Variants in SYCP2L observed in about 807,000 individuals in gnomAD.
The protein encoded by SYCP2L is synaptonemal complex protein 2-like.
SYCP2L carries 98 observed loss-of-function variants against 125.8 expected under a neutral mutation model. That is an observed-to-expected ratio of 0.78 (90% CI 0.66 to 0.92). The LOEUF is 0.92. Ranked by LOEUF, SYCP2L falls within the 40% of genes least tolerant of loss-of-function variation. SYCP2L has a pLI of 0.00. For missense variants in SYCP2L, 842 were observed against 936.4 expected (o/e 0.90, Z 1.32); for synonymous variants, 317 against 325.4 (o/e 0.97, Z 0.28).
chr6:10,944,747 C>G (rs1222658980), intron 23 of SYCP2L, among the ~76,000 whole-genome samples: 1 of 152,076 alleles, frequency 6.6e-6, no homozygotes, highest in Non-Finnish European at 1.5e-5. Context: ...CAGAGTCTCA[C>G]TCTGTCACCC....
intron 1 of SYCP2L, among the ~76,000 whole-genome samples, chr6:10,889,567 C>T (rs78143379): frequency 6.6e-6 from 1 of 150,982 alleles, no homozygotes; most frequent in Non-Finnish European, 1.5e-5. Context: ...GCCTATCTCA[C>T]TTCCTCTTTT....
intron 21 of SYCP2L, among the ~76,000 whole-genome samples, chr6:10,936,131 C>G (rs954309741): frequency 6.6e-6 from 1 of 151,902 alleles, no homozygotes; most frequent in Non-Finnish European, 1.5e-5. Flanking sequence ...CAATAACAAT[C>G]TGTTAGTGTA....
intron 2 of SYCP2L, 119 bp downstream of exon 2, chr6:10,891,700 G>A (rs143561148): frequency 3.1e-6 from 2 of 646,422 alleles, no homozygotes; most frequent in South Asian, 4.4e-5. Flanking sequence ...TTCTAGTTCT[G>A]TGTTCCCTGG....
intron 23 of SYCP2L, among the ~76,000 whole-genome samples, chr6:10,952,806 T>C (rs1484695513): frequency 6.6e-6 from 1 of 152,122 alleles, no homozygotes; most frequent in African/African-American, 2.4e-5. Flanking sequence ...TTTTTTTATT[T>C]TTAAAAATCT....
At chr6:10,947,999 A>G (rs1225740) in intron 23 of SYCP2L, among the ~76,000 whole-genome samples, 111,494 of 152,000 alleles carry the variant, frequency 0.73, 41,180 homozygotes, top group Non-Finnish European at 0.78. Flanking sequence ...CATCAACTAA[A>G]ATAATCAAAT....
chr6:10,939,477 A>G (rs1048745622), intron 21 of SYCP2L, among the ~76,000 whole-genome samples: 5 of 152,252 alleles, frequency 3.3e-5, no homozygotes, highest in Admixed American at 3.3e-4. Context: ...TTCAAAGTGT[A>G]TTCAAAAACT....
At chr6:10,907,774 A>T (rs1256050334) in intron 10 of SYCP2L, 90 bp downstream of exon 10, 15 of 1,388,640 alleles carry the variant, frequency 1.1e-5, no homozygotes, top group Non-Finnish European at 1.5e-5. Flanking sequence ...TTACGGGAGG[A>T]TTTTTTTGCT....
chr6:10,952,384 T>C (rs1202911925), intron 23 of SYCP2L, among the ~76,000 whole-genome samples: 1 of 152,142 alleles, frequency 6.6e-6, no homozygotes, highest in Non-Finnish European at 1.5e-5. Flanking sequence ...GATGATCCCT[T>C]GTTAGTAGGT....
At chr6:10,903,182 C>T (rs1006636823) in intron 8 of SYCP2L, among the ~76,000 whole-genome samples, 1 of 152,210 alleles carries the variant, frequency 6.6e-6, no homozygotes, top group Admixed American at 6.5e-5. Flanking sequence ...CGCCTGTAAT[C>T]CCAGCACTTT....
chr6:10,892,166 C>T (rs906883469), intron 2 of SYCP2L, among the ~76,000 whole-genome samples: 12 of 152,090 alleles, frequency 7.9e-5, no homozygotes, highest in African/African-American at 2.7e-4. Flanking sequence ...TCAAAGGCCC[C>T]GAGGCAAGGA....
intron 2 of SYCP2L, among the ~76,000 whole-genome samples, chr6:10,892,642 G>C (rs1182134348): frequency 6.6e-6 from 1 of 152,160 alleles, no homozygotes; most frequent in Non-Finnish European, 1.5e-5. Context: ...TTTCAGCTGA[G>C]CAATCTCACA....
intron 21 of SYCP2L, among the ~76,000 whole-genome samples, chr6:10,938,660 G>A (rs1487395798): frequency 6.6e-6 from 1 of 152,104 alleles, no homozygotes; most frequent in African/African-American, 2.4e-5. Context: ...AACTGTAAAG[G>A]CTTCACCAAA....
At chr6:10,972,445 A>G (rs1781790126) in intron 29 of SYCP2L, among the ~76,000 whole-genome samples, 1 of 152,206 alleles carries the variant, frequency 6.6e-6, no homozygotes, top group South Asian at 2.1e-4. Flanking sequence ...TAGGGCTTTT[A>G]CTTTTTTCCC....
Position 10,924,592 on chromosome 6 carries a change from A to G in SYCP2L, c.1169A>G (p.Gln390Arg), listed in dbSNP as rs1780865960. Residue 390 changes from glutamine to arginine, a missense_variant, in exon 15 of 30, where the codon CAG becomes CGG. By Grantham distance (43) the Gln-to-Arg change is conservative. Transcript: ENST00000283141. ...VMKIEIHFDL[Q>R]FNISQVSIQA... ...AAAATAGAAATCCATTTTGATTTGC[A>G]GTTCAACATATCACAAGTTTCCATT... is the stretch of plus-strand genomic sequence containing the variant. 4 of 1,604,792 alleles carry G rather than the reference A, an allele frequency of 2.5e-6. No homozygotes were observed. The highest frequency in any genetic ancestry group is 1.3e-5 in the African/African-American group (1 of 74,476).
In SYCP2L at chr6:10,894,109, T is replaced by G. The variant is rs1450279994; in HGVS notation, c.241T>G (p.Ser81Ala). Residue 81 changes from serine (S) to alanine (A), a missense_variant, in exon 4 of 30, where the codon TCT becomes GCT. By Grantham distance (99) the Ser-to-Ala change is moderately conservative. Coordinates refer to ENST00000283141, the MANE Select transcript of SYCP2L (RefSeq NM_001040274.3). ...NKELDKNEFQ[S>A]VSLLLKCIQR... Reference sequence around the variant, plus strand: ...GGAACTAGATAAAAATGAATTTCAGTCTGTGTCACTGTTGCTGAAATGTAT... The same window carrying G: ...GGAACTAGATAAAAATGAATTTCAGGCTGTGTCACTGTTGCTGAAATGTAT... The G allele has an allele frequency of 6.2e-7, 1 of 1,612,602 alleles. No homozygotes were observed. Among genetic ancestry groups the G allele is most frequent in the Admixed American group, 1.7e-5 (1 of 59,706 alleles).
chr6:10,888,066 CTTTT>C lies in SYCP2L; in HGVS notation c.9+976_9+979del, dbSNP rs70991066. On this transcript the variant is annotated intron_variant, in intron 1 of 29. Transcript: ENST00000283141. ...AATCCTTCCATATAGGTGTTACCAT[CTTTT>C]TTTTTTTTTTTTTTTTTTTTTTTTT... is the stretch of plus-strand genomic sequence containing the variant. 8.1e-5 allele frequency among the ~76,000 whole-genome samples: 6 copies of C among 74,314 alleles called. 1 individual carries two copies. Among genetic ancestry groups the C allele is most frequent in the Non-Finnish European group, 1.5e-4 (6 of 39,310 alleles). The allele number at this position is 74,314 out of a possible 152,430, so 48.8% of individuals were successfully genotyped here.
At chr6:10,937,597 G>A (rs1007725930) in intron 21 of SYCP2L, among the ~76,000 whole-genome samples, 1 of 151,988 alleles carries the variant, frequency 6.6e-6, no homozygotes, top group African/African-American at 2.4e-5. Flanking sequence ...AAATGAAGTA[G>A]GCACTAGAAA....
intron 5 of SYCP2L, among the ~76,000 whole-genome samples, chr6:10,898,542 A>G (rs1401844231): frequency 2.6e-5 from 4 of 152,206 alleles, no homozygotes; most frequent in Non-Finnish European, 5.9e-5. Flanking sequence ...GTGTTTTATT[A>G]TTAGAATATT....
At position 10,954,063 on chromosome 6, in the gene SYCP2L, C is replaced by T. The variant is rs983355984; in HGVS notation, c.1955-1053C>T. On this transcript the variant is annotated intron_variant, in intron 23 of 29. Coordinates refer to ENST00000283141, the MANE Select transcript of SYCP2L (RefSeq NM_001040274.3). This position sits in a 1 kb window ranked among gnomAD's most constrained non-coding sequence, Gnocchi z 4.8. Reference sequence around the variant, plus strand: ...TCTTTACCTCTCACTATCTGCCAGCCGCATCGCCCTGCCTCTCGCACATAG... The same window carrying T: ...TCTTTACCTCTCACTATCTGCCAGCTGCATCGCCCTGCCTCTCGCACATAG... Among the ~76,000 whole-genome samples, 4 of 152,130 alleles carry T rather than the reference C, an allele frequency of 2.6e-5. No homozygotes were observed. Among genetic ancestry groups the T allele is most frequent in the Admixed American group, 6.6e-5 (1 of 15,258 alleles).
Sources: allele counts gnomAD v4.1 joint callset (sites outside exome capture counted in the v4.1 genomes callset), GRCh38; gene constraint gnomAD v4.1.1; non-coding constraint Gnocchi (gnomAD v3.1); transcripts MANE v1.5; gene names NCBI Gene and HGNC (gene_info 2026-07-23, HGNC 2026-07-21).